Variants in MGST1 observed in about 807,000 individuals in gnomAD.
The protein encoded by MGST1 is glutathione S-transferase 12.
MGST1 carries 5 observed loss-of-function variants against 8.9 expected under a neutral mutation model. The ratio of observed to expected loss-of-function variants is 0.56; its 90% CI spans 0.29 to 1.19. The LOEUF is 1.19. Ranked by LOEUF, MGST1 falls within the 50% of genes most tolerant of loss-of-function variation. The pLI is 0.08. For synonymous variants in MGST1, 54 were observed against 67.8 expected (o/e 0.80, Z 1.00); for missense variants, 182 against 187.4 (o/e 0.97, Z 0.17).
chr12:16,486,639 C>T (rs151181812), intron 4 of MGST1, among the ~76,000 whole-genome samples: 1 of 152,088 alleles, frequency 6.6e-6, no homozygotes, highest in Non-Finnish European at 1.5e-5. Context: ...GACTGAATTC[C>T]TACAGGCTGG....
intron 4 of MGST1, among the ~76,000 whole-genome samples, chr12:16,540,891 C>T (rs1213299885): frequency 6.6e-6 from 1 of 152,162 alleles, no homozygotes; most frequent in Non-Finnish European, 1.5e-5. Context: ...GCCTGAGTAA[C>T]AGAGCAAGAC....
At chr12:16,406,360 G>T (rs1199252456) in intron 1 of MGST1, among the ~76,000 whole-genome samples, 1 of 152,112 alleles carries the variant, frequency 6.6e-6, no homozygotes, top group Non-Finnish European at 1.5e-5. Context: ...AACCACGGAG[G>T]TGAAAGATGT....
At chr12:16,520,054 C>A (rs1304413519) in intron 4 of MGST1, among the ~76,000 whole-genome samples, 1 of 152,096 alleles carries the variant, frequency 6.6e-6, no homozygotes, top group Admixed American at 6.5e-5. Context: ...CCATTTAGGA[C>A]CAGTTGTGGC....
At chr12:16,489,880 C>T (rs527963915) in intron 4 of MGST1, among the ~76,000 whole-genome samples, 2 of 152,222 alleles carry the variant, frequency 1.3e-5, no homozygotes, top group East Asian at 1.9e-4. Flanking sequence ...TCCATTGTCT[C>T]CCTGAGGGAA....
chr12:16,415,330 A>AT (rs1250139536), intron 1 of MGST1, among the ~76,000 whole-genome samples: 1 of 152,140 alleles, frequency 6.6e-6, no homozygotes, highest in African/African-American at 2.4e-5. Context: ...AGATCTGAGA[A>AT]CCTCCTCTTA....
intron 1 of MGST1, among the ~76,000 whole-genome samples, chr12:16,387,166 T>A (rs539650410): frequency 6.6e-6 from 1 of 152,316 alleles, no homozygotes; most frequent in South Asian, 2.1e-4. Context: ...AATTAAACTT[T>A]ATCATAGTGC....
chr12:16,525,273 C>A (rs1941676984), intron 4 of MGST1, among the ~76,000 whole-genome samples: 1 of 147,372 alleles, frequency 6.8e-6, no homozygotes, highest in African/African-American at 2.5e-5. Context: ...TTAGGTATAT[C>A]TCCCAATGCT....
chr12:16,381,083 C>A (rs1473648427), downstream of MGST1, among the ~76,000 whole-genome samples: 1 of 152,170 alleles, frequency 6.6e-6, no homozygotes, highest in African/African-American at 2.4e-5. Flanking sequence ...TGTGTCTTGA[C>A]TCTTTATCCA....
downstream of MGST1, among the ~76,000 whole-genome samples, chr12:16,442,358 C>T (rs1941045845): frequency 6.6e-6 from 1 of 151,670 alleles, no homozygotes; most frequent in Non-Finnish European, 1.5e-5. This position sits in a 1 kb window ranked among gnomAD's most constrained non-coding sequence, Gnocchi z 4.5. Flanking sequence ...TGAATCGTGC[C>T]TTTGGTGATG....
Position 16,547,533 on chromosome 12 carries a change from C to A in MGST1, n.483-41995C>A, listed in dbSNP as rs1243665365. On this transcript the variant is annotated intron_variant and non_coding_transcript_variant, in intron 4 of 4. Coordinates refer to the MGST1 transcript ENST00000538857. This position sits in a 1 kb window ranked among gnomAD's most constrained non-coding sequence, Gnocchi z 4.6. Reference sequence around the variant, plus strand: ...GGTTGGAGATGAGCACAAACCAGTGCAAAGACATGTTAAAGTTATTTGATC... The same window carrying A: ...GGTTGGAGATGAGCACAAACCAGTGAAAAGACATGTTAAAGTTATTTGATC... Among the ~76,000 whole-genome samples, 1 of 152,078 alleles carries A rather than the reference C, an allele frequency of 6.6e-6. No homozygotes were observed. Among genetic ancestry groups the A allele is most frequent in the Non-Finnish European group, 1.5e-5 (1 of 68,000 alleles).
Position 16,548,759 on chromosome 12 carries a change from G to A in MGST1, n.483-40769G>A, listed in dbSNP as rs914278722. 1.3e-5 allele frequency: 2 copies of A among 152,138 alleles called. No individual in the cohort carries two copies. Among genetic ancestry groups the A allele is most frequent in the African/African-American group, 4.8e-5 (2 of 41,442 alleles). The allele number at this position is 152,138 out of a possible 1,614,324, so 9.4% of individuals were successfully genotyped here. ...TGCTACAATTTATGGGCAATTAGCT[G>A]TAAAATGGCCTACAGCTGAAACACT... On this transcript the variant is annotated intron_variant and non_coding_transcript_variant, in intron 4 of 4. Transcript: ENST00000538857. This position sits in a 1 kb window ranked among gnomAD's most constrained non-coding sequence, Gnocchi z 4.2.
intron 4 of MGST1, among the ~76,000 whole-genome samples, chr12:16,453,467 A>T (rs939355183): frequency 1.3e-5 from 2 of 152,098 alleles, no homozygotes; most frequent in African/African-American, 4.8e-5. Flanking sequence ...TATACATACA[A>T]ACAAATACAT....
chr12:16,531,102 C>T (rs1182746968), intron 4 of MGST1, among the ~76,000 whole-genome samples: 1 of 132,290 alleles, frequency 7.6e-6, no homozygotes, highest in Non-Finnish European at 1.5e-5. Flanking sequence ...AGTTGCAGCA[C>T]ATGTGTTCAT....
At position 16,517,453 on chromosome 12, in the gene MGST1, C is replaced by T. The variant is rs571231731; in HGVS notation, n.483-72075C>T. On this transcript the variant is annotated intron_variant and non_coding_transcript_variant, in intron 4 of 4. Transcript: ENST00000538857. The surrounding 1 kb of genome is among the most constrained non-coding windows in gnomAD (Gnocchi z 4.2). The stretch of plus-strand genomic sequence containing the variant: ...CCTGCCTTCTGACACAGCAAGAAGG[C>T]CTGTACTAGATGAGGATCCTTGATC... Among the ~76,000 whole-genome samples, 1 of 152,126 alleles carries T rather than the reference C, an allele frequency of 6.6e-6. No homozygotes were observed. The highest frequency in any genetic ancestry group is 2.4e-5 in the African/African-American group (1 of 41,414).
downstream of MGST1, among the ~76,000 whole-genome samples, chr12:16,380,795 A>T (rs1318211766): frequency 6.6e-6 from 1 of 152,064 alleles, no homozygotes; most frequent in Non-Finnish European, 1.5e-5. Flanking sequence ...TTTGTAGGTC[A>T]CTGATGACTT....
intron 4 of MGST1, among the ~76,000 whole-genome samples, chr12:16,562,632 A>G (rs1164563047): frequency 6.6e-6 from 1 of 152,216 alleles, no homozygotes; most frequent in East Asian, 1.9e-4. Flanking sequence ...TTCTGCTGCC[A>G]TCAGTCAACA....
chr12:16,575,248 C>T (rs554243716), intron 4 of MGST1, among the ~76,000 whole-genome samples: 29 of 152,160 alleles, frequency 1.9e-4, no homozygotes, highest in African/African-American at 7.0e-4. Flanking sequence ...AAAATGGAAG[C>T]TTTGTTTATC....
At chr12:16,396,331 G>C (rs1940604966) in intron 1 of MGST1, among the ~76,000 whole-genome samples, 2 of 152,110 alleles carry the variant, frequency 1.3e-5, no homozygotes, top group South Asian at 4.1e-4. Context: ...CTAACATAAT[G>C]CTGAATGGGG....
Position 16,584,587 on chromosome 12 carries a change from G to C in MGST1, n.483-4941G>C, listed in dbSNP as rs570227788. On this transcript the variant is annotated intron_variant and non_coding_transcript_variant, in intron 4 of 4. Transcript: ENST00000538857. The surrounding 1 kb of genome is among the most constrained non-coding windows in gnomAD (Gnocchi z 5.2). ...ATTAACATTGGCAAGTGGAGGAGTG[G>C]GGGGGGTAAGAGGCCTGTTTAGAGG... Among the ~76,000 whole-genome samples, 22 of 137,864 alleles carry C rather than the reference G, an allele frequency of 1.6e-4. No homozygotes were observed. Among genetic ancestry groups the C allele is most frequent in the Admixed American group, 4.9e-4 (7 of 14,308 alleles). 90.4% of individuals were successfully genotyped at this position (137,864 alleles called of 152,430 possible).
Sources: gnomAD v4.1 joint callset for allele counts (sites outside exome capture counted in the v4.1 genomes callset) on GRCh38, gnomAD v4.1.1 for gene constraint, Gnocchi (gnomAD v3.1) non-coding constraint, MANE v1.5 for transcripts, NCBI Gene and HGNC (gene_info 2026-07-23, HGNC 2026-07-21) for gene names.